PEAK1: variants seen among roughly 807,000 people sequenced by gnomAD.
PEAK1 encodes the protein inactive tyrosine-protein kinase PEAK1.
In PEAK1, 54 loss-of-function variants were observed where a neutral mutation model predicts 124.7. That is an observed-to-expected ratio of 0.43 (90% CI 0.35 to 0.54). PEAK1 has a LOEUF of 0.54. Among genes scored for constraint, PEAK1 ranks in the 20% least tolerant of loss-of-function variants. The pLI, the probability that PEAK1 is intolerant of heterozygous loss-of-function variation, is 0.01. For synonymous variants in PEAK1, 719 were observed against 760.0 expected (o/e 0.95, Z 0.89); for missense variants, 2,046 against 2,134.5 (o/e 0.96, Z 0.82).
Position 77,338,047 on chromosome 15 carries a change from A to G in PEAK1, c.-603+27116T>C, listed in dbSNP as rs748171321. On this transcript the variant is annotated intron_variant, in intron 2 of 9. Coordinates refer to ENST00000682557, the MANE Select transcript of PEAK1 (RefSeq NM_001385026.1). ...TATTTTTCAAATGTGTAAAGCAGTA[A>G]AAATTTGAGCTTTTTTAGCTATTGG... 32 of 982,364 alleles carry G rather than the reference A, an allele frequency of 3.3e-5. 1 individual carries two copies. The highest frequency in any genetic ancestry group is 3.7e-5 in the Non-Finnish European group (31 of 827,260). 60.9% of individuals were successfully genotyped at this position (982,364 alleles called of 1,614,324 possible). A position where few individuals can be genotyped will look rare whatever the true frequency, so the allele number is the denominator to read the frequency against.
intron 2 of PEAK1, chr15:77,347,776 T>C (rs2066955333): frequency 2.0e-6 from 2 of 983,932 alleles, no homozygotes; most frequent in Non-Finnish European, 2.4e-6. Flanking sequence ...AAAAAAAATT[T>C]AGTGAGTGTA....
At chr15:77,419,660 C>A (rs2073206264) in intron 1 of PEAK1, 1 of 985,078 alleles carries the variant, frequency 1.0e-6, no homozygotes, top group African/African-American at 1.7e-5. Context: ...AACCTCCCAG[C>A]CGCGCCCGGG....
intron 1 of PEAK1, among the ~76,000 whole-genome samples, chr15:77,388,186 C>A (rs1454687533): frequency 5.3e-5 from 8 of 151,960 alleles, no homozygotes; most frequent in Non-Finnish European, 1.2e-4. Flanking sequence ...AGAGCAAGAT[C>A]CTGTCTCAAA....
At chr15:77,366,427 G>A (rs2068244420) in intron 1 of PEAK1, among the ~76,000 whole-genome samples, 1 of 152,096 alleles carries the variant, frequency 6.6e-6, no homozygotes, top group Non-Finnish European at 1.5e-5. Context: ...TGTTACTACA[G>A]CACAATCTAG....
chr15:77,375,341 C>T (rs894251176), intron 1 of PEAK1, among the ~76,000 whole-genome samples: 1 of 152,134 alleles, frequency 6.6e-6, no homozygotes, highest in African/African-American at 2.4e-5. Flanking sequence ...TAGTTGACTA[C>T]CCAACAGCCT....
rs12909704 is a variant in PEAK1, at chr15:77,158,622, C to T, written c.3212G>A (p.Arg1071Lys). The change falls in exon 8 of 10, where the codon AGG (arginine) becomes AAG (lysine). Residue 1071 changes from arginine (R) to lysine (K), a missense_variant. Physicochemically the swap from Arg to Lys is conservative, Grantham distance 26 (BLOSUM62 2). Transcript: ENST00000682557. Reference protein sequence around the residue: ...PRTVVGKQDGRGCTSVTTALS... With the variant: ...PRTVVGKQDGKGCTSVTTALS... Reference sequence around the variant, plus strand: ...TGCTGTTGTGACTGAAGTGCAGCCCCTGCCATCTTGCTTCCCAACAACAGT... The same window carrying T: ...TGCTGTTGTGACTGAAGTGCAGCCCTTGCCATCTTGCTTCCCAACAACAGT... The T allele has an allele frequency of 0.34, 546,785 of 1,613,678 alleles. 97,847 individuals carry two copies. The highest frequency in any genetic ancestry group is 0.37 in the Non-Finnish European group (440,174 of 1,179,706).
At chr15:77,140,318 G>A (rs1448022456) in intron 8 of PEAK1, among the ~76,000 whole-genome samples, 1 of 151,210 alleles carries the variant, frequency 6.6e-6, no homozygotes, top group Admixed American at 6.6e-5. Context: ...TGTCTTTTAT[G>A]AATACAGATG....
In PEAK1 at chr15:77,283,977, G is replaced by GAA. The variant is rs373714005; in HGVS notation, c.-371_-370dup. 9.2e-6 allele frequency: 9 copies of GAA among 983,512 alleles called. No homozygotes were observed. The African/African-American group carries it at 1.2e-4, about 13-fold the overall frequency. 60.9% of individuals were successfully genotyped at this position (983,512 alleles called of 1,614,324 possible). On this transcript the variant is annotated 5_prime_UTR_variant, in exon 5 of 10. Transcript: ENST00000682557. ...TTCTTGGATTTTTTCATAAATCATT[G>GAA]AATTCTCACTTTCTCACAAAATGGT... is the stretch of plus-strand genomic sequence containing the variant.
chr15:77,331,035 T>C, intron 2 of PEAK1: 1 of 890,342 alleles, frequency 1.1e-6, no homozygotes, highest in Non-Finnish European at 1.3e-6. Flanking sequence ...TGTCATTTAC[T>C]ATTAGCATTC....
chr15:77,329,615 T>C lies in PEAK1; in HGVS notation c.-603+35548A>G, dbSNP rs201688131. 4.6e-5 allele frequency among the ~76,000 whole-genome samples: 7 copies of C among 152,306 alleles called. No homozygotes were observed. In the East Asian group the frequency reaches 1.3e-3, roughly 29 times the overall value. On this transcript the variant is annotated intron_variant, in intron 2 of 9. Coordinates refer to ENST00000682557, the MANE Select transcript of PEAK1 (RefSeq NM_001385026.1). ...GGAAAAAAATCATATTTTCTAATAA[T>C]ACATACAAATGATTTTCAGGAAATC...
chr15:77,334,072 T>A (rs901465456), intron 2 of PEAK1: 11 of 785,398 alleles, frequency 1.4e-5, no homozygotes, highest in African/African-American at 1.9e-5. Context: ...TCTCTTTATG[T>A]TATCCTGTAA....
At chr15:77,226,121 A>C (rs2059665545) in intron 6 of PEAK1, among the ~76,000 whole-genome samples, 1 of 136,558 alleles carries the variant, frequency 7.3e-6, no homozygotes, top group Non-Finnish European at 1.6e-5. Flanking sequence ...TATGTGTGTA[A>C]TGTAATACAG....
intron 5 of PEAK1, among the ~76,000 whole-genome samples, chr15:77,272,876 A>G (rs970605223): frequency 1.3e-5 from 2 of 152,238 alleles, no homozygotes; most frequent in African/African-American, 4.8e-5. Flanking sequence ...AATACTAGCT[A>G]AACGAATCCA....
At chr15:77,407,809 A>G (rs1250171698) in intron 1 of PEAK1, among the ~76,000 whole-genome samples, 5 of 152,108 alleles carry the variant, frequency 3.3e-5, no homozygotes, top group Non-Finnish European at 7.4e-5. Flanking sequence ...TTGCACAGGC[A>G]TGTTTATAGC....
chr15:77,227,061 T>C (rs1416666804), intron 6 of PEAK1, among the ~76,000 whole-genome samples: 1 of 152,150 alleles, frequency 6.6e-6, no homozygotes, highest in East Asian at 1.9e-4. Context: ...GATGCATGAG[T>C]TGCATTCCCA....
chr15:77,199,006 A>G (rs2058237134), intron 6 of PEAK1, among the ~76,000 whole-genome samples: 1 of 152,232 alleles, frequency 6.6e-6, no homozygotes, highest in Non-Finnish European at 1.5e-5. Context: ...ATGGAAGAGA[A>G]GTAAGCACCA....
chr15:77,188,428 A>G (rs373777088), intron 6 of PEAK1, among the ~76,000 whole-genome samples: 1 of 152,330 alleles, frequency 6.6e-6, no homozygotes, highest in East Asian at 1.9e-4. Context: ...GAATCAGTTA[A>G]CTACTACTAA....
intron 9 of PEAK1, among the ~76,000 whole-genome samples, chr15:77,126,571 G>A (rs1253675237): frequency 2.6e-5 from 4 of 152,078 alleles, no homozygotes; most frequent in Non-Finnish European, 5.9e-5. Context: ...TTCCATTATT[G>A]TTAATAACAA....
At chr15:77,358,898 C>T (rs2067700701) in intron 2 of PEAK1, among the ~76,000 whole-genome samples, 1 of 152,148 alleles carries the variant, frequency 6.6e-6, no homozygotes, top group Admixed American at 6.5e-5. Context: ...GATAAAATAA[C>T]AGTCTTTACC....
Sources: allele counts gnomAD v4.1 joint callset (sites outside exome capture counted in the v4.1 genomes callset), GRCh38; gene constraint gnomAD v4.1.1; transcripts MANE v1.5; gene names NCBI Gene and HGNC (gene_info 2026-07-23, HGNC 2026-07-21).